The following NR2F1-AS1 variants were observed in gnomAD, a reference collection of about 807,000 sequenced individuals.
NR2F1-AS1 encodes NR2F1 regulatory antisense RNA 1.
At chr5:93,448,256 A>G (rs1480033931) in intron 4 of NR2F1-AS1, among the ~76,000 whole-genome samples, 1 of 152,220 alleles carries the variant, frequency 6.6e-6, no homozygotes, top group Non-Finnish European at 1.5e-5. Context: ...CTTGTAAAAT[A>G]ACACAATCTC....
intron 4 of NR2F1-AS1, among the ~76,000 whole-genome samples, chr5:93,548,345 T>C (rs1042169439): frequency 2.0e-5 from 3 of 152,162 alleles, no homozygotes; most frequent in South Asian, 4.1e-4. Context: ...CCCACATCTA[T>C]GGTCTAGTCA....
chr5:93,520,070 G>C (rs1224851193), intron 4 of NR2F1-AS1, among the ~76,000 whole-genome samples: 5 of 151,958 alleles, frequency 3.3e-5, no homozygotes, highest in African/African-American at 9.7e-5. Context: ...GTAATATATA[G>C]ATCCTATTAA....
intron 4 of NR2F1-AS1, among the ~76,000 whole-genome samples, chr5:93,478,868 T>C (rs1383350790): frequency 6.6e-6 from 1 of 152,206 alleles, no homozygotes; most frequent in African/African-American, 2.4e-5. Context: ...TCCCATTCAA[T>C]TACCAATGAG....
At chr5:93,561,836 C>T (rs918941688) in intron 2 of NR2F1-AS1, among the ~76,000 whole-genome samples, 6 of 151,700 alleles carry the variant, frequency 4.0e-5, no homozygotes, top group African/African-American at 9.7e-5. Flanking sequence ...ACATGTTTTG[C>T]CTTTATTCTT....
In NR2F1-AS1 at chr5:93,579,027, G is replaced by A. The variant is rs528041510; in HGVS notation, n.313+1440C>T. Among the ~76,000 whole-genome samples the A allele has an allele frequency of 4.6e-5, 7 of 152,278 alleles. No individual in the cohort carries two copies. The East Asian group carries it at 1.4e-3, about 30-fold the overall frequency. On this transcript the variant is annotated intron_variant and non_coding_transcript_variant, in intron 1 of 5. Coordinates refer to ENST00000660523, the Ensembl canonical transcript of NR2F1-AS1. This position sits in a 1 kb window ranked among gnomAD's most constrained non-coding sequence, Gnocchi z 5.1. ...GGAAGACATTTTTGCTGGAGGCAGG[G>A]CTATGAGCACAAGTGGGGCGCCCTG...
At chr5:93,535,593 G>C (rs774237445) in intron 4 of NR2F1-AS1, among the ~76,000 whole-genome samples, 1 of 151,846 alleles carries the variant, frequency 6.6e-6, no homozygotes, top group African/African-American at 2.4e-5. Context: ...AAGCATAGAC[G>C]CAAAAATTCT....
rs117547634 is a variant in NR2F1-AS1 at position 93,532,640 on chromosome 5, C to T, written n.638+21121G>A. On this transcript the variant is annotated intron_variant and non_coding_transcript_variant, in intron 4 of 5. Transcript: ENST00000660523. ...GTCTTATGAGAGAATTCTTTGCCAACCTGTTTACAAACAGCTGACTTATTC... is the reference window on the plus strand; with the variant it reads ...GTCTTATGAGAGAATTCTTTGCCAATCTGTTTACAAACAGCTGACTTATTC... Among the ~76,000 whole-genome samples, 156 of 152,344 alleles carry T rather than the reference C, an allele frequency of 1.0e-3. 5 individuals carry two copies. In the East Asian group the frequency reaches 0.028, roughly 28 times the overall value.
chr5:93,468,919 C>T (rs1016255769), intron 4 of NR2F1-AS1, among the ~76,000 whole-genome samples: 10 of 152,106 alleles, frequency 6.6e-5, no homozygotes, highest in African/African-American at 2.2e-4. Flanking sequence ...TTCCCCATTG[C>T]TTGTTTTTCT....
intron 4 of NR2F1-AS1, among the ~76,000 whole-genome samples, chr5:93,485,089 G>C: frequency 6.6e-6 from 1 of 152,040 alleles, no homozygotes; most frequent in Non-Finnish European, 1.5e-5. Flanking sequence ...TTCAAGACTT[G>C]AACCCAGCTC....
intron 4 of NR2F1-AS1, among the ~76,000 whole-genome samples, chr5:93,533,857 C>T (rs1204474914): frequency 6.6e-6 from 1 of 152,146 alleles, no homozygotes; most frequent in Non-Finnish European, 1.5e-5. Context: ...CTAGGCCAGG[C>T]GCAGTGGCTC....
chr5:93,479,112 T>C (rs1476810156), intron 4 of NR2F1-AS1, among the ~76,000 whole-genome samples: 7 of 152,194 alleles, frequency 4.6e-5, no homozygotes, highest in Non-Finnish European at 8.8e-5. Context: ...CAGTGTTATG[T>C]ATAACAACTA....
chr5:93,576,800 G>A (rs1340204556), intron 1 of NR2F1-AS1, among the ~76,000 whole-genome samples: 2 of 152,158 alleles, frequency 1.3e-5, no homozygotes, highest in Non-Finnish European at 2.9e-5. Flanking sequence ...AAATGATTAT[G>A]TAGAGCAGTT....
intron 4 of NR2F1-AS1, among the ~76,000 whole-genome samples, chr5:93,536,836 G>C (rs1580312951): frequency 6.6e-6 from 1 of 152,160 alleles, no homozygotes; most frequent in African/African-American, 2.4e-5. Flanking sequence ...CACGTGTTGT[G>C]GAAGGGACCT....
intron 4 of NR2F1-AS1, among the ~76,000 whole-genome samples, chr5:93,547,284 G>T (rs1752111139): frequency 6.6e-6 from 1 of 152,154 alleles, no homozygotes; most frequent in South Asian, 2.1e-4. Flanking sequence ...GACATCAAAA[G>T]TAGAATGTAC....
intron 4 of NR2F1-AS1, among the ~76,000 whole-genome samples, chr5:93,529,500 T>C (rs1040610427): frequency 1.3e-5 from 2 of 152,152 alleles, no homozygotes; most frequent in African/African-American, 4.8e-5. Flanking sequence ...CCTTAATACT[T>C]TATTCACTAG....
At chr5:93,441,032 C>T (rs1040758944) in intron 4 of NR2F1-AS1, among the ~76,000 whole-genome samples, 1 of 152,182 alleles carries the variant, frequency 6.6e-6, no homozygotes, top group Non-Finnish European at 1.5e-5. Context: ...CACCTTCTTA[C>T]ATTTTTACTA....
At chr5:93,470,750 T>C (rs887495943) in intron 4 of NR2F1-AS1, among the ~76,000 whole-genome samples, 2 of 151,876 alleles carry the variant, frequency 1.3e-5, no homozygotes, top group Non-Finnish European at 3.0e-5. Flanking sequence ...GCATGGAACA[T>C]TTCCCTTATT....
At chr5:93,481,946 T>TTTTTATATAATTTTTAATA (rs1750608834) in intron 4 of NR2F1-AS1, among the ~76,000 whole-genome samples, 1 of 152,124 alleles carries the variant, frequency 6.6e-6, no homozygotes, top group Non-Finnish European at 1.5e-5. Context: ...TAAACACCTA[T>TTTTTATATAATTTTTAATA]ATTTTTAATA....
intron 4 of NR2F1-AS1, among the ~76,000 whole-genome samples, chr5:93,437,162 T>C (rs1326737109): frequency 1.3e-5 from 2 of 152,130 alleles, no homozygotes; most frequent in Non-Finnish European, 2.9e-5. Flanking sequence ...AACTTCTTGT[T>C]CTTGAGGTCT....
Sources: allele counts gnomAD v4.1 joint callset (sites outside exome capture counted in the v4.1 genomes callset), GRCh38; gene constraint gnomAD v4.1.1; non-coding constraint Gnocchi (gnomAD v3.1); transcripts MANE v1.5; gene names NCBI Gene and HGNC (gene_info 2026-07-23, HGNC 2026-07-21).